DMD: variants seen among roughly 807,000 people sequenced by gnomAD.
DMD encodes dystrophin, also known as mutant dystrophin.
In DMD, 63 loss-of-function variants were observed where a neutral mutation model predicts 330.1. That is an observed-to-expected ratio of 0.19 (90% CI 0.16 to 0.24). The LOEUF is 0.24. Ranked by LOEUF, DMD falls within the 10% of genes least tolerant of loss-of-function variation. The pLI is 1.00. For missense variants in DMD, 3,344 were observed against 2,684.1 expected (o/e 1.25, Z -5.43); for synonymous variants, 1,223 against 959.8 (o/e 1.27, Z -5.07).
chrX:32,054,362 G>C (rs751122307), intron 44 of DMD, among the ~76,000 whole-genome samples: 3 of 56,559 alleles, frequency 5.3e-5, no homozygotes, highest in African/African-American at 2.3e-4. Context: ...CCCCACAACA[G>C]GCCCCGGTGT....
chrX:33,314,795 C>T (rs2053909701), intron 1 of DMD, among the ~76,000 whole-genome samples: 1 of 109,115 alleles, frequency 9.2e-6, no homozygotes, highest in Admixed American at 9.9e-5. Flanking sequence ...ATTCCAACAT[C>T]TCCTTTGACT....
chrX:32,518,220 T>C, intron 17 of DMD, 89 bp from the exon 18 acceptor site: 2 of 951,618 alleles, frequency 2.1e-6, no homozygotes, highest in Non-Finnish European at 3.0e-6. Context: ...TTATCATTCT[T>C]TTCTCAATCT....
intron 7 of DMD, among the ~76,000 whole-genome samples, chrX:32,707,226 G>A (rs771534778): frequency 3.4e-4 from 38 of 112,453 alleles, no homozygotes; most frequent in Non-Finnish European, 5.8e-4. Flanking sequence ...TGATCCCAGA[G>A]ATATGTTCTC....
At chrX:31,163,688 T>C (rs955318731) in intron 74 of DMD, among the ~76,000 whole-genome samples, 46 of 111,297 alleles carry the variant, frequency 4.1e-4, no homozygotes, top group African/African-American at 1.5e-3. Flanking sequence ...GAGGCAGTCC[T>C]TCCTCTCATT....
At chrX:33,145,878 C>A (rs1204238516) in intron 1 of DMD, among the ~76,000 whole-genome samples, 1 of 109,661 alleles carries the variant, frequency 9.1e-6, no homozygotes, top group African/African-American at 3.3e-5. Context: ...TCACCACTTT[C>A]TTTTTTCCTT....
chrX:32,878,778 G>A (rs961278632), intron 2 of DMD, among the ~76,000 whole-genome samples: 5 of 109,773 alleles, frequency 4.6e-5, no homozygotes, highest in Non-Finnish European at 9.5e-5. Context: ...GGGAGGCTGA[G>A]GCAGGTGGAT....
intron 7 of DMD, among the ~76,000 whole-genome samples, chrX:32,709,058 A>G (rs2064944004): frequency 8.9e-6 from 1 of 112,054 alleles, no homozygotes; most frequent in East Asian, 2.8e-4. Flanking sequence ...GCAAACTTTA[A>G]CCCATTTTCA....
intron 55 of DMD, among the ~76,000 whole-genome samples, chrX:31,512,769 G>A (rs1436792973): frequency 9.0e-6 from 1 of 111,569 alleles, no homozygotes; most frequent in East Asian, 2.8e-4. Flanking sequence ...CAGCTAGTGT[G>A]ATGCCTCCAG....
chrX:32,226,897 C>T (rs1276256404), intron 43 of DMD, among the ~76,000 whole-genome samples: 2 of 110,375 alleles, frequency 1.8e-5, no homozygotes, highest in Non-Finnish European at 3.8e-5. Context: ...CCAAATATAT[C>T]AGCAATCACA....
In DMD at chrX:32,111,296, G is replaced by C. The variant is rs144884881; in HGVS notation, c.6438+105620C>G. Among the ~76,000 whole-genome samples the C allele has an allele frequency of 7.3e-3, 820 of 111,590 alleles. 14 individuals carry two copies. The highest frequency in any genetic ancestry group is 0.026 in the African/African-American group (787 of 30,759). On this transcript the variant is annotated intron_variant, in intron 44 of 78. Coordinates refer to ENST00000357033, the MANE Select transcript of DMD (RefSeq NM_004006.3). ...CGTTCCATTCTTTTCGTTTCTCCGTGGCTTCTCCCAAAGAGAAATAGGCCT... is the reference window on the plus strand; with the variant it reads ...CGTTCCATTCTTTTCGTTTCTCCGTCGCTTCTCCCAAAGAGAAATAGGCCT...
chrX:32,009,638 A>G lies in DMD; in HGVS notation c.6439-41124T>C, dbSNP rs979085670. On this transcript the variant is annotated intron_variant, in intron 44 of 78. Coordinates refer to ENST00000357033, the MANE Select transcript of DMD (RefSeq NM_004006.3). ...TAATGCATTTTTAAAAGTCTATATT[A>G]CTCTCAGATGATAACTAATTCACTT... 3.6e-5 allele frequency among the ~76,000 whole-genome samples: 4 copies of G among 111,623 alleles called. No individual in the cohort carries two copies. The South Asian group carries it at 1.5e-3, about 42-fold the overall frequency.
At chrX:31,406,736 A>G (rs919834517) in intron 60 of DMD, among the ~76,000 whole-genome samples, 11 of 111,399 alleles carry the variant, frequency 9.9e-5, no homozygotes, top group African/African-American at 2.0e-4. Context: ...AATGGAGTGG[A>G]TTGATTAGAA....
chrX:33,153,365 C>T (rs186276191), intron 1 of DMD, among the ~76,000 whole-genome samples: 2 of 112,751 alleles, frequency 1.8e-5, no homozygotes, highest in African/African-American at 3.2e-5. Flanking sequence ...GAGCCGAGAT[C>T]GTGCCATTGC....
chrX:31,489,167 G>T (rs1204284116), intron 57 of DMD, among the ~76,000 whole-genome samples: 1 of 111,611 alleles, frequency 9.0e-6, no homozygotes, highest in Non-Finnish European at 1.9e-5. Flanking sequence ...TTGAGACAGG[G>T]TCTCACTCTG....
chrX:32,877,336 G>C (rs1404814667), intron 2 of DMD, among the ~76,000 whole-genome samples: 1 of 112,423 alleles, frequency 8.9e-6, no homozygotes, highest in Non-Finnish European at 1.9e-5. Context: ...AAACTATTTT[G>C]TTCCGGAAAA....
chrX:33,060,609 G>T (rs185336313), intron 1 of DMD, among the ~76,000 whole-genome samples: 1 of 111,062 alleles, frequency 9.0e-6, no homozygotes, highest in Non-Finnish European at 1.9e-5. Context: ...GAGGCAGGTG[G>T]ATCACCTGAG....
intron 1 of DMD, among the ~76,000 whole-genome samples, chrX:33,269,201 T>C (rs930050569): frequency 9.0e-6 from 1 of 111,611 alleles, no homozygotes; most frequent in East Asian, 2.8e-4. Context: ...AGCTCATCAA[T>C]GGTTGACTGG....
intron 1 of DMD, among the ~76,000 whole-genome samples, chrX:33,309,572 T>C (rs770691769): frequency 1.2e-3 from 132 of 111,384 alleles, no homozygotes; most frequent in East Asian, 5.6e-4. Flanking sequence ...ATATGTGATA[T>C]TTATTTTTAC....
chrX:31,530,382 G>C (rs1019430236), intron 55 of DMD, among the ~76,000 whole-genome samples: 1 of 111,764 alleles, frequency 8.9e-6, no homozygotes, highest in African/African-American at 3.3e-5. Flanking sequence ...ACACTGGAAG[G>C]GGAAACCTCC....
Sources: allele counts gnomAD v4.1 joint callset (sites outside exome capture counted in the v4.1 genomes callset), GRCh38; gene constraint gnomAD v4.1.1; transcripts MANE v1.5; gene names NCBI Gene and HGNC (gene_info 2026-07-23, HGNC 2026-07-21).